The following ENGASE variants were observed in gnomAD, a reference collection of about 807,000 sequenced individuals.
ENGASE encodes cytosolic endo-beta-N-acetylglucosaminidase.
Under a neutral mutation model 78.5 loss-of-function variants are expected in ENGASE, and 69 were observed. The observed-to-expected ratio is 0.88, with a 90% CI of 0.72 to 1.07. The LOEUF is 1.07. ENGASE is among the 50% of genes least tolerant of loss of function. The probability of loss-of-function intolerance (pLI) is 0.00; values close to 1 mark genes in which losing one functional copy is unlikely to be tolerated. For synonymous variants in ENGASE, 408 were observed against 408.9 expected, an observed-to-expected ratio of 1.00 and a Z score of 0.03; for missense variants, 943 against 988.4, an observed-to-expected ratio of 0.95 and a Z score of 0.62.
chr17:79,080,864 A>G, intron 5 of ENGASE, 61 bp from the exon 6 acceptor site: 1 of 1,552,238 alleles, frequency 6.4e-7, no homozygotes, highest in Non-Finnish European at 8.7e-7. Context: ...AGCGCTGGAT[A>G]CTTCTCATGA....
At chr17:79,081,103 G>A in intron 6 of ENGASE, 30 bp downstream of exon 6, 2 of 1,536,994 alleles carry the variant, frequency 1.3e-6, no homozygotes, top group Non-Finnish European at 1.8e-6. Context: ...CTGTGAGGGG[G>A]CAGGTGCCGT....
Position 79,075,347 on chromosome 17 carries a change from G to C in ENGASE, c.146+257G>C, listed in dbSNP as rs544926813. Among the ~76,000 whole-genome samples, 4 of 152,320 alleles carry C rather than the reference G, an allele frequency of 2.6e-5. No individual in the cohort carries two copies. The South Asian group carries it at 8.3e-4, about 32-fold the overall frequency. ...ATCTCAGAAATACGGGTGCAAACCCGAGTGGCCGCGGGGCCCAGCGGGAAT... is the reference window on the plus strand; with the variant it reads ...ATCTCAGAAATACGGGTGCAAACCCCAGTGGCCGCGGGGCCCAGCGGGAAT... On this transcript the variant is annotated intron_variant, in intron 1 of 13. Coordinates refer to ENST00000579016, the MANE Select transcript of ENGASE (RefSeq NM_001042573.3).
chr17:79,086,444 A>G lies in ENGASE; in HGVS notation c.*95A>G. The stretch of plus-strand genomic sequence containing the variant: ...TGCGCTGGACCTGCTAAGTGCCCAC[A>G]GTGGCAGCGAGGTCCCGGTCCCGGG... On this transcript the variant is annotated 3_prime_UTR_variant, in exon 14 of 14. Coordinates refer to ENST00000579016, the MANE Select transcript of ENGASE (RefSeq NM_001042573.3). 7.0e-7 allele frequency: 1 copy of G among 1,422,248 alleles called. No homozygotes were observed. Among genetic ancestry groups the G allele is most frequent in the Non-Finnish European group, 9.3e-7 (1 of 1,073,012 alleles). 88.1% of individuals were successfully genotyped at this position (1,422,248 alleles called of 1,614,324 possible).
chr17:79,082,754 G>A (rs958250763), intron 7 of ENGASE: 4 of 1,445,240 alleles, frequency 2.8e-6, no homozygotes, highest in Non-Finnish European at 3.7e-6. Flanking sequence ...ATGGGACCGC[G>A]CAGCCACAGC....
chr17:79,086,452 C>G lies in ENGASE; in HGVS notation c.*103C>G. 1 of 1,388,450 alleles carries G rather than the reference C, an allele frequency of 7.2e-7. No homozygotes were observed. The highest frequency in any genetic ancestry group is 9.6e-7 in the Non-Finnish European group (1 of 1,046,934). 86.0% of individuals were successfully genotyped at this position (1,388,450 alleles called of 1,614,324 possible). Reference sequence around the variant, plus strand: ...ACCTGCTAAGTGCCCACAGTGGCAGCGAGGTCCCGGTCCCGGGGCTGGGGT... The same window carrying G: ...ACCTGCTAAGTGCCCACAGTGGCAGGGAGGTCCCGGTCCCGGGGCTGGGGT... On this transcript the variant is annotated 3_prime_UTR_variant, in exon 14 of 14. Coordinates refer to ENST00000579016, the MANE Select transcript of ENGASE (RefSeq NM_001042573.3).
Position 79,086,855 on chromosome 17 carries a change from C to T in ENGASE, c.*506C>T, listed in dbSNP as rs376281462. 20 of 439,620 alleles carry T rather than the reference C, an allele frequency of 4.5e-5. No homozygotes were observed. Among genetic ancestry groups the T allele is most frequent in the Admixed American group, 2.2e-4 (9 of 41,322 alleles). 27.2% of individuals were successfully genotyped at this position (439,620 alleles called of 1,614,324 possible). A position where few individuals can be genotyped will look rare whatever the true frequency, so the allele number is the denominator to read the frequency against. ...TGGGGTGGGGCTGCCTGCGGGATGGCGGGAGAGGATGCCCTGGAGAACCGT... is the reference window on the plus strand; with the variant it reads ...TGGGGTGGGGCTGCCTGCGGGATGGTGGGAGAGGATGCCCTGGAGAACCGT... On this transcript the variant is annotated 3_prime_UTR_variant, in exon 14 of 14. Transcript: ENST00000579016.
At chr17:79,076,288 C>T (rs1475421224) in intron 1 of ENGASE, among the ~76,000 whole-genome samples, 2 of 152,144 alleles carry the variant, frequency 1.3e-5, no homozygotes, top group African/African-American at 4.8e-5. Flanking sequence ...TTTTTTAGGC[C>T]AGGCATGGTG....
In ENGASE at chr17:79,078,116, G is replaced by A. The variant is rs57585798; in HGVS notation, c.416+252G>A. Among the ~76,000 whole-genome samples the A allele has an allele frequency of 7.1e-3, 1,078 of 152,198 alleles. 9 individuals carry two copies. Among genetic ancestry groups the A allele is most frequent in the African/African-American group, 0.025 (1,022 of 41,526 alleles). ...GCACTTTGGGAGGTCAAGGCAGGTG[G>A]GTCACCTGACCTCAGGAGTTTGAGA... On this transcript the variant is annotated intron_variant, in intron 3 of 13. Coordinates refer to ENST00000579016, the MANE Select transcript of ENGASE (RefSeq NM_001042573.3).
At position 79,077,715 on chromosome 17, in the gene ENGASE, G is replaced by C; in HGVS notation, c.267G>C (p.Ser89=). ...AACCAATCAGCTTTTACTTGTCTTC[G>C]CTGGAGGAGCTCTTGGCGTGGAAGC... ...TTKPISFYLS[S]LEELLAWKPR... is the part of the protein sequence containing the mutation. The change falls in exon 3 of 14, where the codon TCG becomes TCC. Residue 89 remains serine (S), a synonymous_variant. Coordinates refer to ENST00000579016, the MANE Select transcript of ENGASE (RefSeq NM_001042573.3). 6.2e-7 allele frequency: 1 copy of C among 1,614,166 alleles called. No homozygotes were observed. Among genetic ancestry groups the C allele is most frequent in the East Asian group, 2.2e-5 (1 of 44,884 alleles).
intron 7 of ENGASE, chr17:79,082,408 G>T: frequency 8.1e-7 from 1 of 1,237,616 alleles, no homozygotes; most frequent in South Asian, 1.5e-5. Flanking sequence ...CTGCGGGGAC[G>T]CACAGGGGCC....
chr17:79,086,694 C>A lies in ENGASE; in HGVS notation c.*345C>A. ...ATAAAGGATATTTCCTAATAGGCTGCAAGATGCTGATGCCGAGAATGATGA... is the reference window on the plus strand; with the variant it reads ...ATAAAGGATATTTCCTAATAGGCTGAAAGATGCTGATGCCGAGAATGATGA... On this transcript the variant is annotated 3_prime_UTR_variant, in exon 14 of 14. Coordinates refer to ENST00000579016, the MANE Select transcript of ENGASE (RefSeq NM_001042573.3). 1 of 421,710 alleles carries A rather than the reference C, an allele frequency of 2.4e-6. No homozygotes were observed. Among genetic ancestry groups the A allele is most frequent in the Non-Finnish European group, 4.5e-6 (1 of 222,794 alleles). The allele number at this position is 421,710 out of a possible 1,614,324, so 26.1% of individuals were successfully genotyped here.
chr17:79,085,765 C>T (rs1389870961), intron 13 of ENGASE, 31 bp downstream of exon 13: 10 of 1,608,758 alleles, frequency 6.2e-6, no homozygotes, highest in Non-Finnish European at 8.5e-6. Flanking sequence ...TCGGGCTGGG[C>T]TGGCTGTTTG....
intron 5 of ENGASE, 117 bp downstream of exon 5, chr17:79,080,481 A>G (rs1291257377): frequency 8.1e-7 from 1 of 1,240,956 alleles, no homozygotes; most frequent in Non-Finnish European, 1.1e-6. Flanking sequence ...TGCAGCAGTA[A>G]GAGCCACTTC....
chr17:79,075,305 G>A (rs2072942317), intron 1 of ENGASE, among the ~76,000 whole-genome samples: 1 of 152,202 alleles, frequency 6.6e-6, no homozygotes, highest in African/African-American at 2.4e-5. Context: ...TCCGGCCCCC[G>A]TGCGTGACCC....
chr17:79,086,807 T>C lies in ENGASE; in HGVS notation c.*458T>C, dbSNP rs912115964. The C allele has an allele frequency of 7.8e-6, 3 of 382,584 alleles. No individual in the cohort carries two copies. Among genetic ancestry groups the C allele is most frequent in the African/African-American group, 4.2e-5 (2 of 47,550 alleles). 23.7% of individuals were successfully genotyped at this position (382,584 alleles called of 1,614,324 possible). Reference sequence around the variant, plus strand: ...GCAGGCGCCGAGACATTTCTGAGCATGAGGACGAGCTACAGCAGCTCCTGG... The same window carrying C: ...GCAGGCGCCGAGACATTTCTGAGCACGAGGACGAGCTACAGCAGCTCCTGG... On this transcript the variant is annotated 3_prime_UTR_variant, in exon 14 of 14. Coordinates refer to ENST00000579016, the MANE Select transcript of ENGASE (RefSeq NM_001042573.3).
At position 79,079,527 on chromosome 17, in the gene ENGASE, T is replaced by C. The variant is rs780618705; in HGVS notation, c.455T>C (p.Phe152Ser). 1.9e-6 allele frequency: 3 copies of C among 1,613,894 alleles called. No individual in the cohort carries two copies. Among genetic ancestry groups the C allele is most frequent in the Non-Finnish European group, 8.5e-7 (1 of 1,180,002 alleles). ...TCGGTGGTGCAGACTCCCTATGCTT[T>C]CTACCACTGGCAGTGCATCGACGTC... is the stretch of plus-strand genomic sequence containing the variant. ...QGSVVQTPYA[F>S]YHWQCIDVFV... The change falls in exon 4 of 14, where the codon TTC becomes TCC. Residue 152 changes from phenylalanine (F) to serine (S), a missense_variant. Physicochemically the swap from Phe to Ser is radical, Grantham distance 155. Transcript: ENST00000579016.
chr17:79,083,927 C>G lies in ENGASE; in HGVS notation c.1418C>G (p.Pro473Arg). 1.2e-6 allele frequency: 2 copies of G among 1,610,426 alleles called. No homozygotes were observed. Reference protein sequence around the residue: ...SSLLVRGVIPPEVGNVAVRLF... With the variant: ...SSLLVRGVIPREVGNVAVRLF... ...CTGCTCGTCCGGGGTGTGATCCCAC[C>G]GGAGGTTGGAAATGTGGCTGTGAGG... Residue 473 changes from proline (P) to arginine (R), a missense_variant, in exon 10 of 14, where the codon CCG (proline) becomes CGG (arginine). Pro to Arg is a moderately radical substitution (Grantham distance 103). Coordinates refer to ENST00000579016, the MANE Select transcript of ENGASE (RefSeq NM_001042573.3). This position sits in a 1 kb window ranked among gnomAD's most constrained non-coding sequence, Gnocchi z 4.9.
In ENGASE at chr17:79,083,538, T is replaced by C; in HGVS notation, c.1199T>C (p.Phe400Ser). Residue 400 changes from phenylalanine (F) to serine (S), a missense_variant, in exon 9 of 14, where the codon TTC (phenylalanine) becomes TCC (serine). Transcript: ENST00000579016. The surrounding 1 kb of genome is among the most constrained non-coding windows in gnomAD (Gnocchi z 4.9). ...LPTHSICSLP[F>S]VTSFCLGMGA... ...ACACATAGCATCTGCTCCTTGCCTTTCGTCACGTCCTTCTGCCTGGGCATG... is the reference window on the plus strand; with the variant it reads ...ACACATAGCATCTGCTCCTTGCCTTCCGTCACGTCCTTCTGCCTGGGCATG... 1.2e-6 allele frequency: 2 copies of C among 1,614,210 alleles called. No individual in the cohort carries two copies. The highest frequency in any genetic ancestry group is 1.3e-5 in the African/African-American group (1 of 75,062).
In ENGASE at chr17:79,074,974, G is replaced by C. The variant is rs773312211; in HGVS notation, c.30G>C (p.Arg10=). 4.0e-6 allele frequency: 5 copies of C among 1,245,370 alleles called. No homozygotes were observed. The highest frequency in any genetic ancestry group is 1.5e-5 in the African/African-American group (1 of 64,990). 77.1% of individuals were successfully genotyped at this position (1,245,370 alleles called of 1,614,324 possible). ...AGGCCGCGGCGGTGACGGTCACCCG[G>C]TCGGCTACACGGCGGCGGCGGCGGC... MEAAAVTVT[R]SATRRRRRQL... is the part of the protein sequence containing the mutation. Residue 10 remains arginine, a synonymous_variant, in exon 1 of 14, where the codon CGG becomes CGC. Coordinates refer to ENST00000579016, the MANE Select transcript of ENGASE (RefSeq NM_001042573.3).
Sources: allele counts gnomAD v4.1 joint callset (sites outside exome capture counted in the v4.1 genomes callset), GRCh38; gene constraint gnomAD v4.1.1; non-coding constraint Gnocchi (gnomAD v3.1); transcripts MANE v1.5; gene names NCBI Gene and HGNC (gene_info 2026-07-23, HGNC 2026-07-21).